NEMP2: variants seen among roughly 807,000 people sequenced by gnomAD.
The protein encoded by NEMP2 is nuclear envelope integral membrane protein 2.
A neutral mutation model predicts 54.2 loss-of-function variants in NEMP2; 53 were observed. That is an observed-to-expected ratio of 0.98 (90% confidence interval 0.78 to 1.23). The LOEUF (loss-of-function observed/expected upper bound fraction) is 1.23, where lower values mean the gene tolerates loss of function less well. Among genes scored for constraint, NEMP2 ranks in the 50% most tolerant of loss-of-function variants. The pLI is 0.00. For missense variants in NEMP2, 455 were observed against 511.3 expected (o/e 0.89, Z 1.06); for synonymous variants, 197 against 190.3 (o/e 1.04, Z -0.29).
At chr2:190,495,785 G>A in the NEMP2 span, among the ~76,000 whole-genome samples, 1 of 152,128 alleles carries the variant, frequency 6.6e-6, no homozygotes, top group African/African-American at 2.4e-5. This position sits in a 1 kb window ranked among gnomAD's most constrained non-coding sequence, Gnocchi z 4.7. Context: ...TAATTGGCAA[G>A]CCACATGTAG....
chr2:190,447,320 GA>G, the NEMP2 span, among the ~76,000 whole-genome samples: 68 of 152,188 alleles, frequency 4.5e-4, no homozygotes, highest in Non-Finnish European at 6.6e-4. This position sits in a 1 kb window ranked among gnomAD's most constrained non-coding sequence, Gnocchi z 4.5. Context: ...GTGATTGAGC[GA>G]AACTGTGAGG....
Position 190,530,081 on chromosome 2 carries a change from A to C in NEMP2, c.97+4478T>G, listed in dbSNP as rs188100406. Reference sequence around the variant, plus strand: ...CTTTTGTTTGACTCATATATGATACATCAGTGTATTCTGGGTAAGGGATCT... The same window carrying C: ...CTTTTGTTTGACTCATATATGATACCTCAGTGTATTCTGGGTAAGGGATCT... On this transcript the variant is annotated intron_variant, in intron 1 of 8. Transcript: ENST00000409150. This position sits in a 1 kb window ranked among gnomAD's most constrained non-coding sequence, Gnocchi z 4.6. Among the ~76,000 whole-genome samples the C allele has an allele frequency of 4.6e-5, 7 of 152,334 alleles. No individual in the cohort carries two copies. Among genetic ancestry groups the C allele is most frequent in the Admixed American group, 4.6e-4 (7 of 15,302 alleles).
the NEMP2 span, among the ~76,000 whole-genome samples, chr2:190,565,528 T>G: frequency 6.6e-6 from 1 of 152,160 alleles, no homozygotes; most frequent in Non-Finnish European, 1.5e-5. Flanking sequence ...CCAATATCTG[T>G]GGAAGGATAC....
the NEMP2 span, among the ~76,000 whole-genome samples, chr2:190,643,071 C>G: frequency 1.8e-4 from 16 of 88,652 alleles, no homozygotes; most frequent in Non-Finnish European, 2.7e-4. Context: ...CTTATTTTTG[C>G]AAATGCTAAA....
At position 190,518,746 on chromosome 2, in the gene NEMP2, T is replaced by C; in HGVS notation, c.508A>G (p.Thr170Ala). ...AAAAGGAATACTTACTGACTCAGGG[T>C]CCTTGCATAAAAGAAAAGAAAAACT... ...AGVFLFFYARTLSQSPTFYYS... is the reference protein window; with the variant it reads ...AGVFLFFYARALSQSPTFYYS... The change falls in exon 4 of 9, where the codon ACC becomes GCC. Residue 170 changes from threonine to alanine, a missense_variant. Coordinates refer to ENST00000409150, the MANE Select transcript of NEMP2 (RefSeq NM_001142645.2). The C allele has an allele frequency of 6.5e-7, 1 of 1,542,766 alleles. No homozygotes were observed. The highest frequency in any genetic ancestry group is 8.7e-7 in the Non-Finnish European group (1 of 1,144,700).
chr2:190,615,425 G>A, the NEMP2 span, among the ~76,000 whole-genome samples: 1 of 152,242 alleles, frequency 6.6e-6, no homozygotes, highest in Non-Finnish European at 1.5e-5. The surrounding 1 kb of genome is among the most constrained non-coding windows in gnomAD (Gnocchi z 4.7). Flanking sequence ...CAGCCAGATG[G>A]AAGAGATGCC....
At chr2:190,435,900 T>C in the NEMP2 span, 3 of 1,244,254 alleles carry the variant, frequency 2.4e-6, no homozygotes, top group Admixed American at 8.3e-5. Flanking sequence ...AACTGCTTAA[T>C]TTCCTGCAAG....
At chr2:190,538,197 C>T (rs1691440900), upstream of NEMP2, among the ~76,000 whole-genome samples, 2 of 151,844 alleles carry the variant, frequency 1.3e-5, no homozygotes, top group Middle Eastern at 3.4e-3. The surrounding 1 kb of genome is among the most constrained non-coding windows in gnomAD (Gnocchi z 4.1). Flanking sequence ...TTTTTTTTAG[C>T]TCCCACATAT....
the NEMP2 span, among the ~76,000 whole-genome samples, chr2:190,482,993 G>A: frequency 5.6e-5 from 8 of 143,442 alleles, no homozygotes; most frequent in Non-Finnish European, 1.2e-4. Flanking sequence ...CCGGGTTCAC[G>A]CCATTCTCCT....
chr2:190,641,172 T>C, the NEMP2 span: 1 of 152,232 alleles, frequency 6.6e-6, no homozygotes, highest in Admixed American at 6.5e-5. Flanking sequence ...CTTTGGCTTT[T>C]CACTTCTCCC....
the NEMP2 span, among the ~76,000 whole-genome samples, chr2:190,473,382 A>G: frequency 6.6e-6 from 1 of 152,192 alleles, no homozygotes; most frequent in Non-Finnish European, 1.5e-5. Flanking sequence ...AAATAAAGGG[A>G]TGGAGGAAGA....
the NEMP2 span, among the ~76,000 whole-genome samples, chr2:190,592,699 C>G: frequency 6.6e-6 from 1 of 152,036 alleles, no homozygotes; most frequent in Non-Finnish European, 1.5e-5. This position sits in a 1 kb window ranked among gnomAD's most constrained non-coding sequence, Gnocchi z 4.4. Context: ...GAGACAGGCT[C>G]TTTTTTGTTA....
the NEMP2 span, among the ~76,000 whole-genome samples, chr2:190,429,470 C>T: frequency 6.6e-6 from 1 of 151,884 alleles, no homozygotes; most frequent in African/African-American, 2.4e-5. Context: ...GGATTACAGG[C>T]ACCCACCACC....
the NEMP2 span, among the ~76,000 whole-genome samples, chr2:190,432,525 T>C: frequency 1.3e-5 from 2 of 152,160 alleles, no homozygotes; most frequent in African/African-American, 4.8e-5. Context: ...CAAGTGATTC[T>C]CTTGCCTCAG....
Position 190,531,559 on chromosome 2 carries a change from C to T in NEMP2, c.97+3000G>A, listed in dbSNP as rs1467836630. Among the ~76,000 whole-genome samples the T allele has an allele frequency of 6.6e-6, 1 of 152,100 alleles. No individual in the cohort carries two copies. Among genetic ancestry groups the T allele is most frequent in the Non-Finnish European group, 1.5e-5 (1 of 68,016 alleles). On this transcript the variant is annotated intron_variant, in intron 1 of 8. Transcript: ENST00000409150. The surrounding 1 kb of genome is among the most constrained non-coding windows in gnomAD (Gnocchi z 4.7). ...AGGAGGCATTAATTATTTACATTAC[C>T]AAAGGATTCAGAAAGTCAGGGTTCC...
the NEMP2 span, among the ~76,000 whole-genome samples, chr2:190,470,248 A>G: frequency 1.3e-5 from 2 of 152,244 alleles, no homozygotes; most frequent in Non-Finnish European, 2.9e-5. Flanking sequence ...GATTGTTGTC[A>G]TAATTATTTT....
chr2:190,495,426 A>C, the NEMP2 span, among the ~76,000 whole-genome samples: 213 of 152,318 alleles, frequency 1.4e-3, 3 homozygotes, highest in East Asian at 0.038. This position sits in a 1 kb window ranked among gnomAD's most constrained non-coding sequence, Gnocchi z 4.7. Flanking sequence ...ATACTGCTAA[A>C]AGCAATCTAC....
chr2:190,447,292 A>C, the NEMP2 span, among the ~76,000 whole-genome samples: 2 of 152,210 alleles, frequency 1.3e-5, no homozygotes, highest in South Asian at 4.1e-4. The surrounding 1 kb of genome is among the most constrained non-coding windows in gnomAD (Gnocchi z 4.5). Flanking sequence ...ACAGCTGGCA[A>C]TGTTCTGTTA....
the NEMP2 span, among the ~76,000 whole-genome samples, chr2:190,566,567 A>G: frequency 6.6e-6 from 1 of 151,564 alleles, no homozygotes; most frequent in East Asian, 1.9e-4. Context: ...AGCCTGGGCT[A>G]CAGGAGTAAG....
Sources: allele counts gnomAD v4.1 joint callset (sites outside exome capture counted in the v4.1 genomes callset), GRCh38; gene constraint gnomAD v4.1.1; non-coding constraint Gnocchi (gnomAD v3.1); transcripts MANE v1.5; gene names NCBI Gene and HGNC (gene_info 2026-07-23, HGNC 2026-07-21).